Variants in EML5 observed in about 807,000 individuals in gnomAD.
EML5 encodes the protein EMAP like 5.
Under a neutral mutation model 250.0 loss-of-function variants are expected in EML5, and 120 were observed. The observed-to-expected ratio is 0.48, with a 90% CI of 0.41 to 0.56. The LOEUF is 0.56. EML5 is among the 20% of genes least tolerant of loss of function. The probability of loss-of-function intolerance (pLI) is 0.00; values close to 1 mark genes in which losing one functional copy is unlikely to be tolerated. For missense variants in EML5, 2,006 were observed against 2,437.6 expected (o/e 0.82, Z 3.73); for synonymous variants, 771 against 806.5 (o/e 0.96, Z 0.75).
intron 1 of EML5, among the ~76,000 whole-genome samples, chr14:88,786,786 C>G (rs1436341180): frequency 6.6e-6 from 1 of 152,202 alleles, no homozygotes; most frequent in East Asian, 1.9e-4. Context: ...CACTTCCCAC[C>G]ATGATTCTGA....
At chr14:88,679,843 A>G (rs947498118) in intron 21 of EML5, among the ~76,000 whole-genome samples, 1 of 152,208 alleles carries the variant, frequency 6.6e-6, no homozygotes, top group African/African-American at 2.4e-5. Context: ...TTATACTTAT[A>G]TTTTCATCAT....
intron 1 of EML5, among the ~76,000 whole-genome samples, chr14:88,780,138 G>T (rs2094483141): frequency 6.6e-6 from 1 of 152,048 alleles, no homozygotes; most frequent in African/African-American, 2.4e-5. Flanking sequence ...TTTTAGTACA[G>T]ATGGGGTTTC....
At position 88,664,585 on chromosome 14, in the gene EML5, A is replaced by AG; in HGVS notation, c.3316_3317insC (p.Phe1106SerfsTer10). 6.2e-7 allele frequency: 1 copy of AG among 1,609,008 alleles called. No individual in the cohort carries two copies. The stretch of plus-strand genomic sequence containing the variant: ...ACTCATTACATTGTATATATCTATA[A>AG]AGCTGTCATGGGATGCTACAGCAAG... On this transcript the variant is annotated frameshift_variant, in exon 23 of 44. Coordinates refer to ENST00000554922, the MANE Select transcript of EML5 (RefSeq NM_183387.3). LOFTEE classifies it high-confidence loss of function.
intron 17 of EML5, among the ~76,000 whole-genome samples, chr14:88,692,078 C>T (rs1417023406): frequency 6.6e-6 from 1 of 151,916 alleles, no homozygotes; most frequent in Non-Finnish European, 1.5e-5. Context: ...GAAAATATTC[C>T]TTTTAAAAAG....
intron 1 of EML5, among the ~76,000 whole-genome samples, chr14:88,787,990 C>T (rs559949944): frequency 3.9e-5 from 6 of 152,106 alleles, no homozygotes; most frequent in African/African-American, 1.2e-4. Context: ...GGGCTCCAAC[C>T]CTAGAAGATT....
intron 8 of EML5, among the ~76,000 whole-genome samples, chr14:88,721,941 A>G (rs542353027): frequency 6.6e-6 from 1 of 152,332 alleles, no homozygotes; most frequent in South Asian, 2.1e-4. Context: ...ACCCCATTAA[A>G]AAGTGGGCAA....
intron 9 of EML5, 85 bp downstream of exon 9, chr14:88,714,854 C>G (rs2139910541): frequency 7.5e-7 from 1 of 1,331,180 alleles, no homozygotes; most frequent in South Asian, 1.5e-5. Context: ...TTCCTATGAT[C>G]AAATGTAACT....
chr14:88,700,860 T>A lies in EML5; in HGVS notation c.2238+1586A>T, dbSNP rs1229272909. 5.3e-5 allele frequency among the ~76,000 whole-genome samples: 8 copies of A among 152,288 alleles called. No homozygotes were observed. In the East Asian group the frequency reaches 1.5e-3, roughly 29 times the overall value. On this transcript the variant is annotated intron_variant, in intron 14 of 43. Coordinates refer to ENST00000554922, the MANE Select transcript of EML5 (RefSeq NM_183387.3). ...ATAGGATAACCAGGTAGTTTTAACC[T>A]CTACCTACCCTCCTGATTAGTTCCT...
intron 1 of EML5, among the ~76,000 whole-genome samples, chr14:88,765,571 C>T (rs960403853): frequency 1.3e-5 from 2 of 152,082 alleles, no homozygotes; most frequent in Non-Finnish European, 2.9e-5. Context: ...TAGACTGGGC[C>T]CATCTAGATA....
Position 88,715,285 on chromosome 14 carries a change from G to A in EML5, c.1188-90C>T. On this transcript the variant is annotated intron_variant, in intron 8 of 43. Coordinates refer to ENST00000554922, the MANE Select transcript of EML5 (RefSeq NM_183387.3). ...ACATGTCTAAAATGACCGTGAAGCT[G>A]TATCAAGTGTTTATAAACTATAAAG... is the stretch of plus-strand genomic sequence containing the variant. 3 of 1,260,996 alleles carry A rather than the reference G, an allele frequency of 2.4e-6. No individual in the cohort carries two copies. The South Asian group carries it at 4.7e-5, about 20-fold the overall frequency. 78.1% of individuals were successfully genotyped at this position (1,260,996 alleles called of 1,614,324 possible).
intron 6 of EML5, among the ~76,000 whole-genome samples, chr14:88,737,433 G>C (rs551195057): frequency 6.6e-6 from 1 of 152,330 alleles, no homozygotes; most frequent in South Asian, 2.1e-4. Context: ...GATCCAGCCA[G>C]AGTATAAGCC....
At chr14:88,688,190 G>T in intron 18 of EML5, 81 bp downstream of exon 18, 2 of 1,382,080 alleles carry the variant, frequency 1.4e-6, no homozygotes, top group Non-Finnish European at 2.0e-6. Flanking sequence ...CAAGTAGAAA[G>T]GCAGTGTTCC....
intron 19 of EML5, among the ~76,000 whole-genome samples, chr14:88,686,684 G>C (rs910397360): frequency 6.6e-6 from 1 of 152,122 alleles, no homozygotes; most frequent in South Asian, 2.1e-4. Context: ...GGTGGCAGGC[G>C]CCTTTAGTCC....
intron 2 of EML5, among the ~76,000 whole-genome samples, chr14:88,753,860 G>A (rs1430657404): frequency 6.6e-6 from 1 of 152,080 alleles, no homozygotes; most frequent in East Asian, 1.9e-4. Flanking sequence ...TACAGGCTGG[G>A]TGCAGTGGCT....
chr14:88,769,283 A>T (rs2094360268), intron 1 of EML5, among the ~76,000 whole-genome samples: 1 of 152,120 alleles, frequency 6.6e-6, no homozygotes, highest in South Asian at 2.1e-4. Context: ...TGTTCTCATG[A>T]TAGTGAGTTC....
intron 36 of EML5, 53 bp downstream of exon 36, chr14:88,624,917 C>A: frequency 6.3e-7 from 1 of 1,593,952 alleles, no homozygotes; most frequent in Non-Finnish European, 8.6e-7. Flanking sequence ...TAACTGCAAA[C>A]CTCAGGTAGG....
intron 9 of EML5, 115 bp from the exon 10 acceptor site, chr14:88,712,598 T>C (rs541976436): frequency 1.4e-6 from 1 of 704,284 alleles, no homozygotes; most frequent in African/African-American, 1.8e-5. Flanking sequence ...CCACCCCACT[T>C]AGAGGAAAAT....
chr14:88,618,633 C>G lies in EML5; in HGVS notation c.5538+17G>C, dbSNP rs766173124. On this transcript the variant is annotated intron_variant, in intron 40 of 43. Coordinates refer to ENST00000554922, the MANE Select transcript of EML5 (RefSeq NM_183387.3). ...CAGAAGAACTTGCCACCTGGGTATACAGTATTGGTACTGTACCTGGAGATA... is the reference window on the plus strand; with the variant it reads ...CAGAAGAACTTGCCACCTGGGTATAGAGTATTGGTACTGTACCTGGAGATA... The G allele has an allele frequency of 6.3e-7, 1 of 1,597,364 alleles. No homozygotes were observed. The highest frequency in any genetic ancestry group is 1.8e-5 in the Admixed American group (1 of 56,726).
chr14:88,688,199 C>G (rs1595526364), intron 18 of EML5, 72 bp downstream of exon 18: 1 of 1,481,756 alleles, frequency 6.7e-7, no homozygotes, highest in East Asian at 2.3e-5. Flanking sequence ...AGGCAGTGTT[C>G]CTTTACTTCT....
Sources: allele counts gnomAD v4.1 joint callset (sites outside exome capture counted in the v4.1 genomes callset), GRCh38; gene constraint gnomAD v4.1.1; transcripts MANE v1.5; gene names NCBI Gene and HGNC (gene_info 2026-07-23, HGNC 2026-07-21).